CMTM8: variants seen among roughly 807,000 people sequenced by gnomAD.
The protein encoded by CMTM8 is CKLF-like MARVEL transmembrane domain-containing protein 8.
In CMTM8, 12 loss-of-function variants were observed where a neutral mutation model predicts 18.6. That is an observed-to-expected ratio of 0.65 (90% confidence interval 0.41 to 1.05). The LOEUF (loss-of-function observed/expected upper bound fraction) is 1.05. Among genes scored for constraint, CMTM8 ranks in the 50% least tolerant of loss-of-function variants. The pLI, the probability that CMTM8 is intolerant of heterozygous loss-of-function variation, is 0.00. For synonymous variants in CMTM8, 87 were observed against 90.6 expected (o/e 0.96, Z 0.23); for missense variants, 217 against 227.2 (o/e 0.95, Z 0.29).
chr3:32,366,376 C>T (rs1458535067), intron 2 of CMTM8, among the ~76,000 whole-genome samples: 7 of 152,218 alleles, frequency 4.6e-5, no homozygotes, highest in Admixed American at 3.9e-4. Flanking sequence ...TTTCTTTCCC[C>T]ATCTCCTCTC....
chr3:32,324,891 A>G (rs1696124543), intron 1 of CMTM8, among the ~76,000 whole-genome samples: 1 of 152,260 alleles, frequency 6.6e-6, no homozygotes, highest in South Asian at 2.1e-4. Context: ...GTGGAAAAGT[A>G]ACATAAGGGG....
At chr3:32,322,855 CAG>C (rs1488241359) in intron 1 of CMTM8, among the ~76,000 whole-genome samples, 1 of 152,178 alleles carries the variant, frequency 6.6e-6, no homozygotes, top group Non-Finnish European at 1.5e-5. Flanking sequence ...AATCCAGAGA[CAG>C]AGAAAGCAGA....
chr3:32,272,279 A>G (rs762489244), intron 1 of CMTM8, among the ~76,000 whole-genome samples: 2 of 152,124 alleles, frequency 1.3e-5, no homozygotes, highest in Non-Finnish European at 2.9e-5. Context: ...TCATTATGAT[A>G]TGTCTAGCTA....
chr3:32,295,383 G>A (rs910598172), intron 1 of CMTM8, among the ~76,000 whole-genome samples: 3 of 147,136 alleles, frequency 2.0e-5, no homozygotes, highest in African/African-American at 7.6e-5. Context: ...TTGAATCCAG[G>A]AGGCGGAGGT....
chr3:32,303,402 C>T (rs1200984856), intron 1 of CMTM8, among the ~76,000 whole-genome samples: 1 of 152,156 alleles, frequency 6.6e-6, no homozygotes, highest in Non-Finnish European at 1.5e-5. Flanking sequence ...CTGAGTTCAG[C>T]TCGTTCTTAA....
At position 32,319,057 on chromosome 3, in the gene CMTM8, C is replaced by CATACATACATATATATAT. The variant is rs1206855049; in HGVS notation, c.148-38313_148-38312insCATACATATATATATATA. On this transcript the variant is annotated intron_variant, in intron 1 of 3. Transcript: ENST00000307526. ...AAATTTATATATATGTGTGTATATA[C>CATACATACATATATATAT]ATATATATATATATATATTTTTTTT... Among the ~76,000 whole-genome samples the CATACATACATATATATAT allele has an allele frequency of 4.6e-4, 21 of 45,884 alleles. 1 individual carries two copies. Among genetic ancestry groups the CATACATACATATATATAT allele is most frequent in the African/African-American group, 2.1e-3 (21 of 10,156 alleles). The allele number at this position is 45,884 out of a possible 152,430, so 30.1% of individuals were successfully genotyped here.
intron 2 of CMTM8, among the ~76,000 whole-genome samples, chr3:32,365,770 C>G (rs1254673755): frequency 6.6e-6 from 1 of 152,118 alleles, no homozygotes; most frequent in Non-Finnish European, 1.5e-5. Flanking sequence ...ACTATATTGT[C>G]CTTGTAGCTC....
chr3:32,240,214 G>A (rs1285051472), intron 1 of CMTM8, among the ~76,000 whole-genome samples: 1 of 152,204 alleles, frequency 6.6e-6, no homozygotes, highest in African/African-American at 2.4e-5. Context: ...CAAGTAGCTT[G>A]CTTGCTCCCC....
chr3:32,324,488 A>G (rs930251119), intron 1 of CMTM8, among the ~76,000 whole-genome samples: 2 of 152,176 alleles, frequency 1.3e-5, no homozygotes, highest in Non-Finnish European at 2.9e-5. Flanking sequence ...GATTTCGTGT[A>G]ATTATCTCAG....
intron 1 of CMTM8, among the ~76,000 whole-genome samples, chr3:32,292,037 C>T (rs1028725570): frequency 6.6e-6 from 1 of 152,208 alleles, no homozygotes; most frequent in Admixed American, 6.5e-5. Flanking sequence ...AGATCTATAG[C>T]TCTCATCACC....
At chr3:32,259,061 G>A in intron 1 of CMTM8, 1 of 369,442 alleles carries the variant, frequency 2.7e-6, no homozygotes, top group Admixed American at 3.4e-5. Flanking sequence ...AGGCGCCGGA[G>A]GGCAGGGGGT....
At chr3:32,362,510 G>T (rs969866536) in intron 2 of CMTM8, among the ~76,000 whole-genome samples, 8 of 152,178 alleles carry the variant, frequency 5.3e-5, no homozygotes, top group African/African-American at 1.9e-4. Flanking sequence ...TTGAGAGCCA[G>T]GAATGGGAGG....
At chr3:32,270,096 T>G (rs1559366264) in intron 1 of CMTM8, among the ~76,000 whole-genome samples, 1 of 152,046 alleles carries the variant, frequency 6.6e-6, no homozygotes, top group Non-Finnish European at 1.5e-5. Flanking sequence ...AAAAAAAATT[T>G]TTTTGTGTGG....
rs1418939780 is a variant in CMTM8 at position 32,358,191 on chromosome 3, G to T, written c.321+645G>T. Reference sequence around the variant, plus strand: ...CTGTGGCATACACTGCAGTGAAGCTGTGTAGAAAGTGTGATGGAGGCTGCC... The same window carrying T: ...CTGTGGCATACACTGCAGTGAAGCTTTGTAGAAAGTGTGATGGAGGCTGCC... On this transcript the variant is annotated intron_variant, in intron 2 of 3. Transcript: ENST00000307526. The surrounding 1 kb of genome is among the most constrained non-coding windows in gnomAD (Gnocchi z 4.1). Among the ~76,000 whole-genome samples the T allele has an allele frequency of 6.6e-6, 1 of 152,202 alleles. No individual in the cohort carries two copies. The highest frequency in any genetic ancestry group is 1.9e-4 in the East Asian group (1 of 5,198).
intron 1 of CMTM8, among the ~76,000 whole-genome samples, chr3:32,348,720 T>C (rs1559386378): frequency 6.6e-6 from 1 of 151,786 alleles, no homozygotes; most frequent in East Asian, 1.9e-4. Flanking sequence ...AGGCTGGTTT[T>C]GAACTCCTGG....
intron 1 of CMTM8, among the ~76,000 whole-genome samples, chr3:32,265,630 A>G (rs538540154): frequency 9.5e-4 from 145 of 152,212 alleles, no homozygotes; most frequent in African/African-American, 3.4e-3. Context: ...AAATAGAGAC[A>G]CAAAAAACCC....
chr3:32,249,599 T>C (rs568290095), intron 1 of CMTM8, among the ~76,000 whole-genome samples: 1 of 152,308 alleles, frequency 6.6e-6, no homozygotes, highest in African/African-American at 2.4e-5. Flanking sequence ...TCGTATCTCA[T>C]TGTGGTTTGG....
intron 1 of CMTM8, among the ~76,000 whole-genome samples, chr3:32,257,139 G>A (rs539649536): frequency 2.6e-4 from 39 of 152,274 alleles, no homozygotes; most frequent in Non-Finnish European, 4.6e-4. Flanking sequence ...ACTATGCCCG[G>A]CTAATTTGTG....
intron 2 of CMTM8, among the ~76,000 whole-genome samples, chr3:32,359,283 C>T (rs937384248): frequency 1.3e-5 from 2 of 152,184 alleles, no homozygotes; most frequent in Non-Finnish European, 2.9e-5. Flanking sequence ...ATGAGCATGG[C>T]TGTGTTCCAG....
Sources: gnomAD v4.1 joint callset for allele counts (sites outside exome capture counted in the v4.1 genomes callset) on GRCh38, gnomAD v4.1.1 for gene constraint, Gnocchi (gnomAD v3.1) non-coding constraint, MANE v1.5 for transcripts, NCBI Gene and HGNC (gene_info 2026-07-23, HGNC 2026-07-21) for gene names.